The following AOPEP variants were observed in gnomAD, a reference collection of about 807,000 sequenced individuals.
The protein encoded by AOPEP is aminopeptidase O (putative), also known as aminopeptidase O.
Under a neutral mutation model 98.1 loss-of-function variants are expected in AOPEP, and 77 were observed. The observed-to-expected ratio is 0.78, with a 90% CI of 0.65 to 0.95. The LOEUF (loss-of-function observed/expected upper bound fraction) is 0.95, where lower values mean the gene tolerates loss of function less well. AOPEP is among the 40% of genes least tolerant of loss of function. The pLI is 0.00. For synonymous variants in AOPEP, 346 were observed against 365.3 expected (o/e 0.95, Z 0.60); for missense variants, 1,024 against 1,024.7 (o/e 1.00, Z 0.01).
At chr9:94,757,165 A>G (rs1837248807) in intron 1 of AOPEP, among the ~76,000 whole-genome samples, 1 of 152,218 alleles carries the variant, frequency 6.6e-6, no homozygotes, top group Non-Finnish European at 1.5e-5. Flanking sequence ...AATCAAGAGA[A>G]GGTAATACTT....
At chr9:95,099,282 T>C in the AOPEP span, 4 of 221,830 alleles carry the variant, frequency 1.8e-5, no homozygotes, top group Non-Finnish European at 3.6e-5. Flanking sequence ...AAACTCCTGC[T>C]AGAGTAAGGT....
At chr9:95,010,186 ATAT>A (rs1418453797) in intron 13 of AOPEP, among the ~76,000 whole-genome samples, 2 of 152,196 alleles carry the variant, frequency 1.3e-5, no homozygotes, top group Non-Finnish European at 2.9e-5. Context: ...TACAGTACTA[ATAT>A]TATTCAAAAT....
At chr9:95,107,236 C>A in the AOPEP span, 27 of 1,613,950 alleles carry the variant, frequency 1.7e-5, no homozygotes, top group Admixed American at 8.3e-5. Flanking sequence ...CTGGACATTG[C>A]CAGGAGGTGG....
intron 3 of AOPEP, among the ~76,000 whole-genome samples, chr9:94,775,065 A>G (rs950978035): frequency 5.9e-5 from 9 of 152,138 alleles, no homozygotes; most frequent in Admixed American, 3.9e-4. Context: ...TATTTATGAA[A>G]AGCATTGCTC....
At chr9:94,847,091 C>G (rs200274728) in intron 5 of AOPEP, among the ~76,000 whole-genome samples, 1 of 149,126 alleles carries the variant, frequency 6.7e-6, no homozygotes, top group Non-Finnish European at 1.5e-5. Flanking sequence ...GTGGAGGTGG[C>G]TGCAGGGAGG....
chr9:95,085,793 C>G, intron 16 of AOPEP: 1 of 832,660 alleles, frequency 1.2e-6, no homozygotes, highest in Non-Finnish European at 1.6e-6. Context: ...ATTCTTCTTA[C>G]AAAAAACTAA....
intron 5 of AOPEP, among the ~76,000 whole-genome samples, chr9:94,835,944 T>G (rs998920245): frequency 6.6e-6 from 1 of 152,170 alleles, no homozygotes; most frequent in Non-Finnish European, 1.5e-5. Flanking sequence ...TCTCCATACC[T>G]CTAACCCAAA....
rs117628511 is a variant in AOPEP at position 95,025,898 on chromosome 9, G to T, written c.2115+20282G>T. On this transcript the variant is annotated intron_variant, in intron 13 of 16. Coordinates refer to ENST00000375315, the MANE Select transcript of AOPEP (RefSeq NM_001193329.3). ...CCAGGCCCCAGCACTGCCTCCGCCG[G>T]CAGCAAGCAGTAATAAGTAAGCTCC... 2.6e-4 allele frequency among the ~76,000 whole-genome samples: 39 copies of T among 152,260 alleles called. No individual in the cohort carries two copies. The East Asian group carries it at 5.2e-3, about 20-fold the overall frequency.
intron 2 of AOPEP, among the ~76,000 whole-genome samples, chr9:94,766,733 G>C (rs1839715994): frequency 6.6e-6 from 1 of 152,086 alleles, no homozygotes; most frequent in Admixed American, 6.5e-5. Context: ...ATAGCTATTT[G>C]GATTTTTGTT....
At chr9:94,896,699 C>T (rs945550351) in intron 5 of AOPEP, among the ~76,000 whole-genome samples, 1 of 152,160 alleles carries the variant, frequency 6.6e-6, no homozygotes, top group African/African-American at 2.4e-5. Flanking sequence ...ACCATTACAC[C>T]TTAAAACTGT....
intron 9 of AOPEP, among the ~76,000 whole-genome samples, chr9:94,958,826 G>A (rs901308492): frequency 6.6e-6 from 1 of 151,962 alleles, no homozygotes; most frequent in African/African-American, 2.4e-5. Context: ...TTTATGTTTT[G>A]TGTTTTTACT....
chr9:95,032,309 G>A (rs1241637190), intron 13 of AOPEP, among the ~76,000 whole-genome samples: 1 of 152,366 alleles, frequency 6.6e-6, no homozygotes, highest in East Asian at 1.9e-4. Flanking sequence ...CAGGGGAGCT[G>A]TTCTGGGCCA....
At chr9:94,767,629 A>G (rs1440345493) in intron 2 of AOPEP, among the ~76,000 whole-genome samples, 3 of 152,182 alleles carry the variant, frequency 2.0e-5, no homozygotes, top group Non-Finnish European at 2.9e-5. Context: ...TTTTCCATGT[A>G]CACAATCCTA....
At chr9:94,772,893 A>G (rs1394529459) in intron 2 of AOPEP, 109 bp from the exon 3 acceptor site, 35 of 1,135,990 alleles carry the variant, frequency 3.1e-5, no homozygotes, top group Non-Finnish European at 4.0e-5. Context: ...ACAAAGTTTC[A>G]AATGTTTTCT....
chr9:95,057,388 CT>C (rs2061961133), intron 13 of AOPEP, among the ~76,000 whole-genome samples: 1 of 152,254 alleles, frequency 6.6e-6, no homozygotes, highest in Non-Finnish European at 1.5e-5. Context: ...CCCACTCCCC[CT>C]GTGCCCGCCC....
chr9:94,949,740 AT>A (rs1187833069), intron 7 of AOPEP, among the ~76,000 whole-genome samples: 1 of 152,242 alleles, frequency 6.6e-6, no homozygotes, highest in Non-Finnish European at 1.5e-5. Flanking sequence ...GCAAATGTTC[AT>A]TATTCACAGT....
At chr9:94,811,065 T>C (rs1160137368) in intron 5 of AOPEP, among the ~76,000 whole-genome samples, 1 of 152,178 alleles carries the variant, frequency 6.6e-6, no homozygotes, top group Non-Finnish European at 1.5e-5. Flanking sequence ...GATATCTCCA[T>C]TTGCAAGCTA....
chr9:95,035,991 C>T (rs974793418), intron 13 of AOPEP, among the ~76,000 whole-genome samples: 4 of 152,106 alleles, frequency 2.6e-5, no homozygotes, highest in Admixed American at 2.0e-4. Context: ...TGTAGACCCC[C>T]GGGAGAGGTT....
intron 9 of AOPEP, among the ~76,000 whole-genome samples, chr9:94,958,316 C>T (rs1019308691): frequency 1.3e-5 from 2 of 152,016 alleles, no homozygotes; most frequent in African/African-American, 4.8e-5. Context: ...TTTTTTTCAT[C>T]TTTTGGCCAT....
Sources: allele counts gnomAD v4.1 joint callset (sites outside exome capture counted in the v4.1 genomes callset), GRCh38; gene constraint gnomAD v4.1.1; transcripts MANE v1.5; gene names NCBI Gene and HGNC (gene_info 2026-07-23, HGNC 2026-07-21).